Variants in SH3TC1 observed in about 807,000 individuals in gnomAD.
SH3TC1 encodes the protein SH3 domain and tetratricopeptide repeat-containing protein 1.
In SH3TC1, 135 loss-of-function variants were observed where a neutral mutation model predicts 117.3. The ratio of observed to expected loss-of-function variants is 1.15; its 90% CI spans 1.00 to 1.33. The LOEUF is 1.33. Ranked by LOEUF, SH3TC1 falls within the 40% of genes most tolerant of loss-of-function variation. SH3TC1 has a pLI of 0.00. For missense variants in SH3TC1, 2,092 were observed against 1,794.3 expected (o/e 1.17, Z -3.00); for synonymous variants, 898 against 816.9 (o/e 1.10, Z -1.69).
chr4:8,236,686 C>T, intron 16 of SH3TC1: 1 of 416,080 alleles, frequency 2.4e-6, no homozygotes, highest in Non-Finnish European at 4.2e-6. Flanking sequence ...GCCCAGTGTG[C>T]CCTCTGCCTT....
intron 12 of SH3TC1, among the ~76,000 whole-genome samples, chr4:8,228,921 G>C (rs1290619314): frequency 6.6e-6 from 1 of 152,234 alleles, no homozygotes; most frequent in East Asian, 1.9e-4. Flanking sequence ...CCTGAAGTCT[G>C]GGCAACGGGC....
Position 8,209,967 on chromosome 4 carries a change from G to A in SH3TC1, c.247+145G>A, listed in dbSNP as rs1254487843. ...AATCATGATGGGAATAGAAAGAAGG[G>A]TTTGTTAAATGCGCATGCCCAGGTC... On this transcript the variant is annotated intron_variant, in intron 3 of 17. Coordinates refer to ENST00000245105, the MANE Select transcript of SH3TC1 (RefSeq NM_018986.5). This position sits in a 1 kb window ranked among gnomAD's most constrained non-coding sequence, Gnocchi z 5.9. The A allele has an allele frequency of 5.5e-6, 5 of 904,916 alleles. No individual in the cohort carries two copies. The highest frequency in any genetic ancestry group is 2.7e-5 in the East Asian group (1 of 37,678). 56.1% of individuals were successfully genotyped at this position (904,916 alleles called of 1,614,324 possible).
intron 6 of SH3TC1, among the ~76,000 whole-genome samples, chr4:8,216,747 A>G (rs1719315623): frequency 6.6e-6 from 1 of 152,164 alleles, no homozygotes; most frequent in African/African-American, 2.4e-5. Context: ...AGGCTGAGCC[A>G]GCCTCACACA....
chr4:8,227,999 C>G lies in SH3TC1; in HGVS notation c.2305C>G (p.Leu769Val), dbSNP rs1578723633. The change falls in exon 12 of 18, where the codon CTC (leucine) becomes GTC (valine). Residue 769 changes from leucine (L) to valine (V), a missense_variant. By Grantham distance (32) the Leu-to-Val change is conservative. Transcript: ENST00000245105. ...HSLPAQTSHYLRQALASLTPG... is the reference protein window; with the variant it reads ...HSLPAQTSHYVRQALASLTPG... ...CCTCCCTGCCCAAACTTCCCACTAC[C>G]TCAGGCAAGCGCTGGCCTCCCTGAC... 1.9e-6 allele frequency: 3 copies of G among 1,612,178 alleles called. No individual in the cohort carries two copies. The highest frequency in any genetic ancestry group is 2.5e-6 in the Non-Finnish European group (3 of 1,179,602).
rs1721398751 is a variant in SH3TC1 at position 8,233,124 on chromosome 4, T to TC, written c.3132-234dup. On this transcript the variant is annotated intron_variant, in intron 13 of 17. Transcript: ENST00000245105. ...ACGCGGGGGAGATGGACTAGCACGCTCCCCCAGCCACAGGGCAGCATGATG... is the reference window on the plus strand; with the variant it reads ...ACGCGGGGGAGATGGACTAGCACGCTCCCCCCAGCCACAGGGCAGCATGATG... 3.3e-5 allele frequency: 45 copies of TC among 1,348,380 alleles called. No homozygotes were observed. In the South Asian group the frequency reaches 7.8e-4, roughly 23 times the overall value. 83.5% of individuals were successfully genotyped at this position (1,348,380 alleles called of 1,614,324 possible).
rs1380289303 is a variant in SH3TC1, at chr4:8,190,283, C to G, written c.-57+8073C>G. Among the ~76,000 whole-genome samples, 1 of 152,190 alleles carries G rather than the reference C, an allele frequency of 6.6e-6. No homozygotes were observed. The highest frequency in any genetic ancestry group is 6.5e-5 in the Admixed American group (1 of 15,290). ...ATGGCTCCCAGCTGGGAGGACTTCA[C>G]TCCTTCGGCGGAGTTGGGGGACTGT... On this transcript the variant is annotated intron_variant, in intron 1 of 16. Coordinates refer to the SH3TC1 transcript ENST00000508641. This position sits in a 1 kb window ranked among gnomAD's most constrained non-coding sequence, Gnocchi z 4.7.
At chr4:8,224,795 G>A (rs1245901753) in intron 10 of SH3TC1, among the ~76,000 whole-genome samples, 1 of 152,196 alleles carries the variant, frequency 6.6e-6, no homozygotes. Context: ...GGAGCTGATG[G>A]AAGCCGAGAG....
chr4:8,235,333 A>G lies in SH3TC1; in HGVS notation c.3283-100A>G, dbSNP rs1721704577. ...CTGAAAAAGGCTCAGTTGCACCTGCAGTGTGTGAGAGGAAGGAGGCTGGGC... is the reference window on the plus strand; with the variant it reads ...CTGAAAAAGGCTCAGTTGCACCTGCGGTGTGTGAGAGGAAGGAGGCTGGGC... On this transcript the variant is annotated intron_variant, in intron 14 of 17. Coordinates refer to ENST00000245105, the MANE Select transcript of SH3TC1 (RefSeq NM_018986.5). The G allele has an allele frequency of 4.2e-5, 57 of 1,347,446 alleles. 1 individual carries two copies. In the South Asian group the frequency reaches 1.1e-3, roughly 27 times the overall value. The allele number at this position is 1,347,446 out of a possible 1,614,324, so 83.5% of individuals were successfully genotyped here. A position where few individuals can be genotyped will look rare whatever the true frequency, so the allele number is the denominator to read the frequency against.
rs779640328 is a variant in SH3TC1, at chr4:8,237,576, C to G, written c.3659C>G (p.Ser1220Trp). The G allele has an allele frequency of 3.7e-6, 6 of 1,612,292 alleles. No homozygotes were observed. In the African/African-American group the frequency reaches 6.7e-5, roughly 18 times the overall value. ...GAGCACTTCTACCTCAAGGCCCTGT[C>G]GCTCTGCAACTCGCCGCTGGAGTTT... ...LAEHFYLKAL[S>W]LCNSPLEFDE... The change falls in exon 17 of 18, where the codon TCG (serine) becomes TGG (tryptophan). Residue 1220 changes from serine to tryptophan, a missense_variant. Physicochemically the swap from Ser to Trp is radical, Grantham distance 177. Transcript: ENST00000245105.
In SH3TC1 at chr4:8,183,851, C is replaced by A. The variant is rs1245690909; in HGVS notation, c.-57+1641C>A. On this transcript the variant is annotated intron_variant, in intron 1 of 16. Coordinates refer to the SH3TC1 transcript ENST00000508641. The surrounding 1 kb of genome is among the most constrained non-coding windows in gnomAD (Gnocchi z 5.4). The stretch of plus-strand genomic sequence containing the variant: ...GCCTGCCCCGGGATCCCACCCAGGA[C>A]CCCACTTTGTATTTAGTCCTCCTAT... Among the ~76,000 whole-genome samples the A allele has an allele frequency of 6.6e-6, 1 of 152,176 alleles. No individual in the cohort carries two copies. Among genetic ancestry groups the A allele is most frequent in the Non-Finnish European group, 1.5e-5 (1 of 68,042 alleles).
At chr4:8,187,612 C>A (rs1717267429) in intron 1 of SH3TC1, among the ~76,000 whole-genome samples, 1 of 149,890 alleles carries the variant, frequency 6.7e-6, no homozygotes, top group African/African-American at 2.5e-5. Context: ...AGTGCAGTGG[C>A]GTGATCTCAG....
rs1720517727 is a variant in SH3TC1 at position 8,227,051 on chromosome 4, T to C, written c.1357T>C (p.Cys453Arg). ...GAAGGTGAAGAATGTTCTGGAACAATGCAAGACCTGCCCAGGCTGCCCCCA... is the reference window on the plus strand; with the variant it reads ...GAAGGTGAAGAATGTTCTGGAACAACGCAAGACCTGCCCAGGCTGCCCCCA... ...LQKVKNVLEQ[C>R]KTCPGCPQEP... The change falls in exon 12 of 18, where the codon TGC becomes CGC. Residue 453 changes from cysteine (C) to arginine (R), a missense_variant. Physicochemically the swap from Cys to Arg is radical, Grantham distance 180. Coordinates refer to ENST00000245105, the MANE Select transcript of SH3TC1 (RefSeq NM_018986.5). 1 of 1,604,546 alleles carries C rather than the reference T, an allele frequency of 6.2e-7. No homozygotes were observed.
At chr4:8,191,545 G>A (rs1277954632) in intron 1 of SH3TC1, among the ~76,000 whole-genome samples, 2 of 152,220 alleles carry the variant, frequency 1.3e-5, no homozygotes, top group African/African-American at 4.8e-5. Flanking sequence ...AACACATGGT[G>A]TGAGCGCTGC....
intron 3 of SH3TC1, among the ~76,000 whole-genome samples, chr4:8,212,323 C>G (rs1238434264): frequency 6.6e-6 from 1 of 152,100 alleles, no homozygotes; most frequent in Non-Finnish European, 1.5e-5. Context: ...CCGCAAGTTC[C>G]AATGCAGCAA....
intron 9 of SH3TC1, among the ~76,000 whole-genome samples, chr4:8,221,348 A>C (rs1719902047): frequency 6.6e-6 from 1 of 152,076 alleles, no homozygotes; most frequent in Non-Finnish European, 1.5e-5. Context: ...AGAAATTCTG[A>C]CTTCTCTCAT....
At chr4:8,193,186 G>A (rs561436874) in intron 1 of SH3TC1, among the ~76,000 whole-genome samples, 46 of 152,308 alleles carry the variant, frequency 3.0e-4, no homozygotes, top group Non-Finnish European at 3.8e-4. Flanking sequence ...CTTCTAGAAC[G>A]ACCTTGGAGG....
At chr4:8,203,593 T>C (rs1717979534) in intron 1 of SH3TC1, among the ~76,000 whole-genome samples, 1 of 152,034 alleles carries the variant, frequency 6.6e-6, no homozygotes, top group South Asian at 2.1e-4. Context: ...AGGCCCAGCT[T>C]GCCCTGTTTG....
chr4:8,234,363 C>T (rs1157971115), intron 14 of SH3TC1, among the ~76,000 whole-genome samples: 1 of 152,092 alleles, frequency 6.6e-6, no homozygotes, highest in African/African-American at 2.4e-5. Flanking sequence ...TTTATCCATA[C>T]ATTCGTCTAT....
rs181163567 is a variant in SH3TC1, at chr4:8,225,273, C to T, written c.1285+57C>T. On this transcript the variant is annotated intron_variant, in intron 11 of 17. Coordinates refer to ENST00000245105, the MANE Select transcript of SH3TC1 (RefSeq NM_018986.5). This position sits in a 1 kb window ranked among gnomAD's most constrained non-coding sequence, Gnocchi z 5.5. ...GGTTATGAGCTGGGCCTTGGGGTAA[C>T]GCTGGGGGAGGTGACAAAGCTGAGC... The T allele has an allele frequency of 1.0e-3, 1,617 of 1,574,576 alleles. 2 individuals carry two copies. The highest frequency in any genetic ancestry group is 1.3e-3 in the Non-Finnish European group (1,549 of 1,154,396).
Sources: allele counts gnomAD v4.1 joint callset (sites outside exome capture counted in the v4.1 genomes callset), GRCh38; gene constraint gnomAD v4.1.1; non-coding constraint Gnocchi (gnomAD v3.1); transcripts MANE v1.5; gene names NCBI Gene and HGNC (gene_info 2026-07-23, HGNC 2026-07-21).